CRY1: variants seen among roughly 807,000 people sequenced by gnomAD.
CRY1 encodes cryptochrome circadian regulator 1, also known as cryptochrome-1.
CRY1 carries 45 observed loss-of-function variants against 76.0 expected under a neutral mutation model. The ratio of observed to expected loss-of-function variants is 0.59; its 90% CI spans 0.47 to 0.76. The LOEUF is 0.76. CRY1 is among the 30% of genes least tolerant of loss of function. The pLI, the probability that CRY1 is intolerant of heterozygous loss-of-function variation, is 0.00. For missense variants in CRY1, 587 were observed against 716.4 expected, an observed-to-expected ratio of 0.82 and a Z score of 2.06; for synonymous variants, 248 against 244.0, an observed-to-expected ratio of 1.02 and a Z score of -0.15.
intron 1 of CRY1, among the ~76,000 whole-genome samples, chr12:107,082,384 C>T (rs1240688465): frequency 6.6e-6 from 1 of 152,150 alleles, no homozygotes; most frequent in Non-Finnish European, 1.5e-5. Context: ...CCCAAATCAA[C>T]AGAATATACA....
intron 1 of CRY1, among the ~76,000 whole-genome samples, chr12:107,072,060 GTA>G (rs1240588882): frequency 6.6e-6 from 1 of 152,242 alleles, no homozygotes; most frequent in Non-Finnish European, 1.5e-5. Context: ...TGCTCAAGTA[GTA>G]TAGTCAAGTC....
chr12:107,029,428 C>A (rs114588678), intron 1 of CRY1, among the ~76,000 whole-genome samples: 1 of 151,694 alleles, frequency 6.6e-6, no homozygotes, highest in African/African-American at 2.4e-5. Context: ...CTCATCTCTA[C>A]AAAAAGTACA....
Position 107,001,885 on chromosome 12 carries a change from G to C in CRY1, c.474C>G (p.Ser158Arg), listed in dbSNP as rs139681164. ...LTYKRFQTLISKMEPLEIPVE... is the reference protein window; with the variant it reads ...LTYKRFQTLIRKMEPLEIPVE... ...CTGGTATCTCTAGTGGTTCCATTTTGCTGATGAGAGTCTGGAATCTTTTAT... is the reference window on the plus strand; with the variant it reads ...CTGGTATCTCTAGTGGTTCCATTTTCCTGATGAGAGTCTGGAATCTTTTAT... Residue 158 changes from serine to arginine, a missense_variant, in exon 4 of 13, where the codon AGC becomes AGG. Transcript: ENST00000008527. 1.6e-5 allele frequency: 26 copies of C among 1,601,490 alleles called. No homozygotes were observed. In the African/African-American group the frequency reaches 2.8e-4, roughly 17 times the overall value.
At position 107,036,761 on chromosome 12, in the gene CRY1, A is replaced by G. The variant is rs370080029; in HGVS notation, c.159-14569T>C. On this transcript the variant is annotated intron_variant, in intron 1 of 12. Coordinates refer to ENST00000008527, the MANE Select transcript of CRY1 (RefSeq NM_004075.5). ...ATGCCAGAAATGCTCCTACTTCAGTACCTTTGCACAGGATGTTCTTTCCAT... is the reference window on the plus strand; with the variant it reads ...ATGCCAGAAATGCTCCTACTTCAGTGCCTTTGCACAGGATGTTCTTTCCAT... 1.8e-4 allele frequency among the ~76,000 whole-genome samples: 27 copies of G among 152,096 alleles called. No homozygotes were observed. In the South Asian group the frequency reaches 2.5e-3, roughly 14 times the overall value.
chr12:106,997,810 T>C, intron 8 of CRY1, 105 bp downstream of exon 8: 2 of 1,530,280 alleles, frequency 1.3e-6, no homozygotes, highest in Non-Finnish European at 1.8e-6. Flanking sequence ...CCTTCTCATC[T>C]CTGCTGCCCA....
intron 1 of CRY1, among the ~76,000 whole-genome samples, chr12:107,031,065 G>A (rs1377924436): frequency 1.3e-5 from 2 of 152,120 alleles, no homozygotes; most frequent in Non-Finnish European, 2.9e-5. Context: ...TTCTGTTGTT[G>A]ACAGTACACC....
At chr12:107,037,532 C>CA (rs1287551552) in intron 1 of CRY1, among the ~76,000 whole-genome samples, 21 of 143,696 alleles carry the variant, frequency 1.5e-4, no homozygotes, top group Admixed American at 2.8e-4. Flanking sequence ...AACTCAATTT[C>CA]AAAAAAAAAA....
chr12:107,050,387 G>A (rs1334283039), intron 1 of CRY1: 1 of 152,316 alleles, frequency 6.6e-6, no homozygotes, highest in Non-Finnish European at 1.5e-5. Flanking sequence ...GGAGCCATTT[G>A]GGTCACTGGG....
intron 1 of CRY1, among the ~76,000 whole-genome samples, chr12:107,025,040 T>C (rs948465208): frequency 9.2e-5 from 14 of 152,232 alleles, no homozygotes; most frequent in African/African-American, 3.4e-4. Flanking sequence ...TTTGCATATA[T>C]TACTCTGATA....
intron 1 of CRY1, among the ~76,000 whole-genome samples, chr12:107,069,406 T>A (rs2136890530): frequency 6.6e-6 from 1 of 150,888 alleles, no homozygotes; most frequent in Non-Finnish European, 1.5e-5. Context: ...TTGTATAAAA[T>A]TTTTTCAATA....
rs989048681 is a variant in CRY1 at position 107,093,260 on chromosome 12, C to G, written c.-299G>C. Reference sequence around the variant, plus strand: ...GCATAACTTCGAGGGCCTCGGACCTCCGGAGCCTGAGCAAGTTCCAGGAGC... The same window carrying G: ...GCATAACTTCGAGGGCCTCGGACCTGCGGAGCCTGAGCAAGTTCCAGGAGC... On this transcript the variant is annotated 5_prime_UTR_variant, in exon 1 of 13. Transcript: ENST00000008527. The G allele has an allele frequency of 1.5e-5, 5 of 329,692 alleles. No individual in the cohort carries two copies. Among genetic ancestry groups the G allele is most frequent in the African/African-American group, 1.1e-4 (5 of 46,814 alleles). 20.4% of individuals were successfully genotyped at this position (329,692 alleles called of 1,614,324 possible).
chr12:107,078,351 A>ACT (rs1314381059), intron 1 of CRY1, among the ~76,000 whole-genome samples: 4 of 152,042 alleles, frequency 2.6e-5, no homozygotes, highest in African/African-American at 9.7e-5. Context: ...AATTTTTCCT[A>ACT]CATAATTGTC....
intron 1 of CRY1, among the ~76,000 whole-genome samples, chr12:107,034,010 G>C (rs1157950184): frequency 6.6e-6 from 1 of 151,624 alleles, no homozygotes; most frequent in African/African-American, 2.4e-5. Context: ...GCTGAGACCT[G>C]CTGAGCAGTA....
chr12:107,079,983 C>T (rs1169757377), intron 1 of CRY1, among the ~76,000 whole-genome samples: 1 of 151,942 alleles, frequency 6.6e-6, no homozygotes, highest in African/African-American at 2.4e-5. Flanking sequence ...TGTAAGCTAC[C>T]CAAACAACCT....
At position 107,049,776 on chromosome 12, in the gene CRY1, G is replaced by A. The variant is rs1202949888; in HGVS notation, c.159-27584C>T. 5 of 152,312 alleles carry A rather than the reference G, an allele frequency of 3.3e-5. No individual in the cohort carries two copies. In the East Asian group the frequency reaches 5.8e-4, roughly 18 times the overall value. 9.4% of individuals were successfully genotyped at this position (152,312 alleles called of 1,614,324 possible). ...TGTATTTTTAGTATACATACCTGGT[G>A]TTTGGTCTAGGACAACCAAATCAGC... is the stretch of plus-strand genomic sequence containing the variant. On this transcript the variant is annotated intron_variant, in intron 1 of 12. Transcript: ENST00000008527.
chr12:107,039,153 C>A (rs1294662619), intron 1 of CRY1, among the ~76,000 whole-genome samples: 6 of 152,072 alleles, frequency 3.9e-5, no homozygotes, highest in African/African-American at 1.4e-4. Flanking sequence ...TAAAATAAGG[C>A]CTTCATCTTA....
intron 1 of CRY1, among the ~76,000 whole-genome samples, chr12:107,068,887 A>G (rs1408589985): frequency 6.6e-6 from 1 of 152,200 alleles, no homozygotes; most frequent in African/African-American, 2.4e-5. Context: ...AATGTGTCTG[A>G]CATCCATGTT....
intron 1 of CRY1, among the ~76,000 whole-genome samples, chr12:107,045,882 C>T (rs11513903): frequency 0.15 from 22,430 of 152,036 alleles, 1,988 homozygotes; most frequent in East Asian, 0.28. Context: ...ATGGGTGCAG[C>T]ACACCAACAT....
At chr12:107,036,600 T>A (rs1280154120) in intron 1 of CRY1, among the ~76,000 whole-genome samples, 1 of 149,846 alleles carries the variant, frequency 6.7e-6, no homozygotes, top group Non-Finnish European at 1.5e-5. Context: ...TTTTTTTTTT[T>A]AAGTCCTTAA....
Sources: allele counts gnomAD v4.1 joint callset (sites outside exome capture counted in the v4.1 genomes callset), GRCh38; gene constraint gnomAD v4.1.1; transcripts MANE v1.5; gene names NCBI Gene and HGNC (gene_info 2026-07-23, HGNC 2026-07-21).